Variants in AMDHD2 observed in about 807,000 individuals in gnomAD.
AMDHD2 encodes amidohydrolase domain containing 2, also known as N-acetylglucosamine-6-phosphate deacetylase.
Under a neutral mutation model 41.8 loss-of-function variants are expected in AMDHD2, and 24 were observed. The observed-to-expected ratio is 0.57, with a 90% CI of 0.42 to 0.81. The LOEUF (loss-of-function observed/expected upper bound fraction) is 0.81, where lower values mean the gene tolerates loss of function less well. AMDHD2 is among the 30% of genes least tolerant of loss of function. The pLI is 0.00. For missense variants in AMDHD2, 540 were observed against 588.5 expected, an observed-to-expected ratio of 0.92 and a Z score of 0.85; for synonymous variants, 332 against 255.5, an observed-to-expected ratio of 1.30 and a Z score of -2.85.
In AMDHD2 at chr16:2,530,719, AGCCAGGGAAGAACCACCT is replaced by A. The variant is rs1255031890; in HGVS notation, c.*1160_*1177del. The A allele has an allele frequency of 6.2e-7, 1 of 1,614,020 alleles. No homozygotes were observed. The highest frequency in any genetic ancestry group is 1.3e-5 in the African/African-American group (1 of 75,052). ...TGGGCCCCACCTGTTGGAAGGGAACAGCCAGGGAAGAACCACCTGCCTGGGCAGGGCCTCGCCTGAGGG... is the reference window on the plus strand; with the variant it reads ...TGGGCCCCACCTGTTGGAAGGGAACAGCCTGGGCAGGGCCTCGCCTGAGGG... On this transcript the variant is annotated 3_prime_UTR_variant, in exon 11 of 11. Coordinates refer to ENST00000293971, the MANE Select transcript of AMDHD2 (RefSeq NM_001330449.2).
rs749529317 is a variant in AMDHD2, at chr16:2,521,108, G to A, written c.345G>A (p.Pro115=). Residue 115 remains proline, a synonymous_variant, in exon 3 of 11, where the codon CCG becomes CCA. Transcript: ENST00000293971. ...GCCCCACCCTGGTCACTTCCCCACC[G>A]GAGGTTTATCACAAGGTGAGGTGAG... is the stretch of plus-strand genomic sequence containing the variant. The part of the protein sequence containing the change: ...SFCPTLVTSP[P]EVYHKVVPQI... 1.3e-6 allele frequency: 2 copies of A among 1,588,076 alleles called. No individual in the cohort carries two copies. Among genetic ancestry groups the A allele is most frequent in the South Asian group, 2.2e-5 (2 of 89,006 alleles).
In AMDHD2 at chr16:2,521,225, A is replaced by G. The variant is rs886922565; in HGVS notation, c.360+102A>G. 5.3e-5 allele frequency: 72 copies of G among 1,352,628 alleles called. 1 individual carries two copies. The highest frequency in any genetic ancestry group is 6.4e-5 in the Non-Finnish European group (67 of 1,042,044). The allele number at this position is 1,352,628 out of a possible 1,614,324, so 83.8% of individuals were successfully genotyped here. A position where few individuals can be genotyped will look rare whatever the true frequency, so the allele number is the denominator to read the frequency against. On this transcript the variant is annotated intron_variant, in intron 3 of 10. Coordinates refer to ENST00000293971, the MANE Select transcript of AMDHD2 (RefSeq NM_001330449.2). Reference sequence around the variant, plus strand: ...ACCCCCCACCCCCAGCACGTATTCCATGGTCCTGAGTCTGGCCTCCTTTGA... The same window carrying G: ...ACCCCCCACCCCCAGCACGTATTCCGTGGTCCTGAGTCTGGCCTCCTTTGA...
At chr16:2,526,606 A>C (rs2066006638) in intron 3 of AMDHD2, among the ~76,000 whole-genome samples, 1 of 148,404 alleles carries the variant, frequency 6.7e-6, no homozygotes. Flanking sequence ...ATCATCTGCT[A>C]CCCCCCCAAC....
rs987958771 is a variant in AMDHD2, at chr16:2,529,498, C to T, written c.1165C>T (p.Leu389Phe). The T allele has an allele frequency of 3.7e-6, 6 of 1,611,510 alleles. No homozygotes were observed. In the Admixed American group the frequency reaches 6.7e-5, roughly 18 times the overall value. ...AGACTTCGTGGTGCTCGACGACTCC[C>T]TTCACGTCCAGGCCACCTACATCTC... is the stretch of plus-strand genomic sequence containing the variant. ...DADFVVLDDS[L>F]HVQATYISGE... Residue 389 changes from leucine to phenylalanine, a missense_variant, in exon 11 of 11, where the codon CTT (leucine) becomes TTT (phenylalanine). Transcript: ENST00000293971.
chr16:2,524,576 T>C (rs776757852), intron 3 of AMDHD2, among the ~76,000 whole-genome samples: 100 of 152,370 alleles, frequency 6.6e-4, no homozygotes, highest in Non-Finnish European at 1.1e-3. Flanking sequence ...GCCATTGTCT[T>C]TTTTTGTTTG....
chr16:2,521,720 C>T (rs1297650853), intron 3 of AMDHD2, among the ~76,000 whole-genome samples: 1 of 149,730 alleles, frequency 6.7e-6, no homozygotes, highest in Non-Finnish European at 1.5e-5. Flanking sequence ...ACCTGTGCTA[C>T]TGTTTTTTAC....
intron 1 of AMDHD2, 91 bp downstream of exon 1, chr16:2,520,632 G>C: frequency 9.6e-7 from 1 of 1,040,906 alleles, no homozygotes; most frequent in East Asian, 3.4e-5. Flanking sequence ...GTGCGGGGCC[G>C]GGGACAGGGC....
Position 2,531,322 on chromosome 16 carries a change from A to G in AMDHD2, c.*1759A>G. ...GAGAGCTGGGCCAGGGAGCTGCTGCAGGATGATTTTGAGGTGTGGGGGAAG... is the reference window on the plus strand; with the variant it reads ...GAGAGCTGGGCCAGGGAGCTGCTGCGGGATGATTTTGAGGTGTGGGGGAAG... On this transcript the variant is annotated 3_prime_UTR_variant, in exon 11 of 11. Transcript: ENST00000293971. 1 of 544,400 alleles carries G rather than the reference A, an allele frequency of 1.8e-6. No homozygotes were observed. The highest frequency in any genetic ancestry group is 3.1e-5 in the South Asian group (1 of 31,968). 33.7% of individuals were successfully genotyped at this position (544,400 alleles called of 1,614,324 possible).
chr16:2,526,472 G>A (rs557362521), intron 3 of AMDHD2, among the ~76,000 whole-genome samples: 2 of 152,268 alleles, frequency 1.3e-5, no homozygotes, highest in South Asian at 2.1e-4. Context: ...TGGTCCCCAC[G>A]TCACCCTACT....
rs149972917 is a variant in AMDHD2 at position 2,521,619 on chromosome 16, C to T, written c.360+496C>T. ...TCCTGCCCGGAAGAAATTTGGTTGT[C>T]CTTGGTCTTTTTTTATTTTAATTTT... On this transcript the variant is annotated intron_variant, in intron 3 of 10. Coordinates refer to ENST00000293971, the MANE Select transcript of AMDHD2 (RefSeq NM_001330449.2). Among the ~76,000 whole-genome samples, 432 of 152,166 alleles carry T rather than the reference C, an allele frequency of 2.8e-3. 2 individuals are homozygous for T. Among genetic ancestry groups the T allele is most frequent in the African/African-American group, 9.9e-3 (409 of 41,500 alleles).
intron 3 of AMDHD2, among the ~76,000 whole-genome samples, chr16:2,524,535 C>G (rs1013419978): frequency 6.6e-6 from 1 of 152,222 alleles, no homozygotes; most frequent in Non-Finnish European, 1.5e-5. Context: ...CCCTCTTGCT[C>G]CCTTCTAAAA....
chr16:2,522,035 T>C (rs552483254), intron 3 of AMDHD2, among the ~76,000 whole-genome samples: 67 of 152,034 alleles, frequency 4.4e-4, no homozygotes, highest in African/African-American at 1.1e-3. Context: ...CCGCCCGCCT[T>C]GGCCTCCCAA....
Position 2,530,548 on chromosome 16 carries a change from T to C in AMDHD2, c.*985T>C. ...GTCTTGACTTTCTCTCCATTTGAGT[T>C]CTGGGGTGGGTGGCTCCCTTCCCCC... is the stretch of plus-strand genomic sequence containing the variant. On this transcript the variant is annotated 3_prime_UTR_variant, in exon 11 of 11. Coordinates refer to ENST00000293971, the MANE Select transcript of AMDHD2 (RefSeq NM_001330449.2). 1 of 1,614,178 alleles carries C rather than the reference T, an allele frequency of 6.2e-7. No individual in the cohort carries two copies. Among genetic ancestry groups the C allele is most frequent in the Non-Finnish European group, 8.5e-7 (1 of 1,180,016 alleles).
chr16:2,523,955 G>A (rs2065972658), intron 3 of AMDHD2, among the ~76,000 whole-genome samples: 1 of 152,240 alleles, frequency 6.6e-6, no homozygotes, highest in Non-Finnish European at 1.5e-5. Flanking sequence ...AGGCGTGGGA[G>A]GAACTATGGC....
intron 7 of AMDHD2, 29 bp downstream of exon 7, chr16:2,528,409 T>G (rs939446232): frequency 6.2e-7 from 1 of 1,612,442 alleles, no homozygotes; most frequent in Non-Finnish European, 8.5e-7. Flanking sequence ...CCAGGACAGG[T>G]AGGATGACTG....
In AMDHD2 at chr16:2,527,326, C is replaced by T. The variant is rs1376007118; in HGVS notation, c.361-235C>T. Among the ~76,000 whole-genome samples, 2 of 152,170 alleles carry T rather than the reference C, an allele frequency of 1.3e-5. No homozygotes were observed. The highest frequency in any genetic ancestry group is 2.9e-5 in the Non-Finnish European group (2 of 68,018). ...CCACCCTCAGTGCCCACAAGCCTGCCCACATGGCCAGGGACCGCTGGCATC... is the reference window on the plus strand; with the variant it reads ...CCACCCTCAGTGCCCACAAGCCTGCTCACATGGCCAGGGACCGCTGGCATC... On this transcript the variant is annotated intron_variant, in intron 3 of 10. Coordinates refer to ENST00000293971, the MANE Select transcript of AMDHD2 (RefSeq NM_001330449.2). The surrounding 1 kb of genome is among the most constrained non-coding windows in gnomAD (Gnocchi z 6.1).
intron 3 of AMDHD2, among the ~76,000 whole-genome samples, chr16:2,523,121 C>T (rs1378091857): frequency 1.3e-5 from 2 of 152,150 alleles, no homozygotes; most frequent in Non-Finnish European, 2.9e-5. Flanking sequence ...GGATTACAGG[C>T]GTGAGCCATG....
chr16:2,528,618 C>T (rs142686134), intron 8 of AMDHD2, 32 bp from the exon 9 acceptor site: 2 of 1,612,766 alleles, frequency 1.2e-6, no homozygotes, highest in Non-Finnish European at 1.7e-6. Context: ...TGGCCCACGA[C>T]CCCCCCAGAG....
In AMDHD2 at chr16:2,527,958, A is replaced by G; in HGVS notation, c.601A>G (p.Thr201Ala). 1 of 1,602,608 alleles carries G rather than the reference A, an allele frequency of 6.2e-7. No individual in the cohort carries two copies. The highest frequency in any genetic ancestry group is 8.5e-7 in the Non-Finnish European group (1 of 1,178,808). ...GRSHEVIRALTARGICVSLGH... is the reference protein window; with the variant it reads ...GRSHEVIRALAARGICVSLGH... The stretch of plus-strand genomic sequence containing the variant: ...TAGCCACGAAGTGATCCGGGCGCTG[A>G]CGGCCCGTGGCATCTGCGTGTCCCT... The change falls in exon 5 of 11, where the codon ACG (threonine) becomes GCG (alanine). Residue 201 changes from threonine to alanine, a missense_variant. Transcript: ENST00000293971. The surrounding 1 kb of genome is among the most constrained non-coding windows in gnomAD (Gnocchi z 6.1).
Sources: allele counts gnomAD v4.1 joint callset (sites outside exome capture counted in the v4.1 genomes callset), GRCh38; gene constraint gnomAD v4.1.1; non-coding constraint Gnocchi (gnomAD v3.1); transcripts MANE v1.5; gene names NCBI Gene and HGNC (gene_info 2026-07-23, HGNC 2026-07-21).